Variants in DAAM2 observed in about 807,000 individuals in gnomAD.
DAAM2 encodes disheveled-associated activator of morphogenesis 2.
Under a neutral mutation model 120.7 loss-of-function variants are expected in DAAM2, and 39 were observed. The observed-to-expected ratio is 0.32, with a 90% CI of 0.25 to 0.42. The LOEUF is 0.42. Ranked by LOEUF, DAAM2 falls within the 10% of genes least tolerant of loss-of-function variation. The pLI is 1.00. For missense variants in DAAM2, 1,283 were observed against 1,401.7 expected, an observed-to-expected ratio of 0.92 and a Z score of 1.35; for synonymous variants, 488 against 524.9, an observed-to-expected ratio of 0.93 and a Z score of 0.96.
intron 1 of DAAM2, among the ~76,000 whole-genome samples, chr6:39,806,844 A>T (rs1240432638): frequency 8.6e-6 from 1 of 116,060 alleles, no homozygotes; most frequent in African/African-American, 2.9e-5. Context: ...GATTGGCAAA[A>T]AAAAAAAAAA....
intron 2 of DAAM2, among the ~76,000 whole-genome samples, chr6:39,858,460 A>G (rs2504102): frequency 0.6 from 91,579 of 151,882 alleles, 27,655 homozygotes; most frequent in Middle Eastern, 0.69. Context: ...AAGAGTGAGT[A>G]GGAATCAAAG....
At chr6:39,843,298 G>C (rs1037141371) in intron 1 of DAAM2, among the ~76,000 whole-genome samples, 2 of 152,170 alleles carry the variant, frequency 1.3e-5, no homozygotes, top group African/African-American at 2.4e-5. Context: ...AAAGCAGGGA[G>C]TGTGGAGTGG....
chr6:39,865,089 C>A lies in DAAM2; in HGVS notation c.428+15C>A. On this transcript the variant is annotated intron_variant, in intron 5 of 24. Coordinates refer to ENST00000274867, the MANE Select transcript of DAAM2 (RefSeq NM_001201427.2). ...CAGCCTATGAGGTAATTCAGTTTCC[C>A]CCTCTTGCTTCCTGCTGAGTCCCTT... 1 of 1,441,242 alleles carries A rather than the reference C, an allele frequency of 6.9e-7. No individual in the cohort carries two copies. The highest frequency in any genetic ancestry group is 2.4e-5 in the East Asian group (1 of 42,050). 89.3% of individuals were successfully genotyped at this position (1,441,242 alleles called of 1,614,324 possible).
chr6:39,822,410 A>G (rs1193360854), intron 1 of DAAM2: 10 of 152,084 alleles, frequency 6.6e-5, no homozygotes, highest in Non-Finnish European at 1.5e-5. Context: ...CTGTGTTCCT[A>G]CTTGTGCCAG....
At chr6:39,841,264 C>T (rs1222051369) in intron 1 of DAAM2, among the ~76,000 whole-genome samples, 1 of 91,728 alleles carries the variant, frequency 1.1e-5, no homozygotes, top group Non-Finnish European at 1.9e-5. Flanking sequence ...AAGAGGGGCT[C>T]CGGGGGGAGG....
At chr6:39,839,666 A>G (rs1763246502) in intron 1 of DAAM2, among the ~76,000 whole-genome samples, 1 of 152,216 alleles carries the variant, frequency 6.6e-6, no homozygotes, top group African/African-American at 2.4e-5. Context: ...AAATGATTCC[A>G]AGCTTAGAGC....
rs183574385 is a variant in DAAM2, at chr6:39,821,268, A to G, written c.-57+28803A>G. ...GGACACTCCTGGGCTGGATTTTAGT[A>G]CTGAAGCCTCCAGAGGAGGGGGCAC... is the stretch of plus-strand genomic sequence containing the variant. On this transcript the variant is annotated intron_variant, in intron 1 of 24. Transcript: ENST00000274867. 913 of 152,254 alleles carry G rather than the reference A, an allele frequency of 6.0e-3. 10 individuals are homozygous for G. Among genetic ancestry groups the G allele is most frequent in the Middle Eastern group, 0.038 (11 of 292 alleles). 9.4% of individuals were successfully genotyped at this position (152,254 alleles called of 1,614,324 possible). A position where few individuals can be genotyped will look rare whatever the true frequency, so the allele number is the denominator to read the frequency against.
chr6:39,858,720 G>T (rs1764100909), intron 2 of DAAM2, among the ~76,000 whole-genome samples: 1 of 152,154 alleles, frequency 6.6e-6, no homozygotes, highest in Non-Finnish European at 1.5e-5. Context: ...TAGTAGAGAC[G>T]TACTGGAGAC....
At chr6:39,871,332 A>AATT (rs1274224282) in intron 8 of DAAM2, among the ~76,000 whole-genome samples, 174 bp from the exon 9 acceptor site, 1 of 152,180 alleles carries the variant, frequency 6.6e-6, no homozygotes, top group Non-Finnish European at 1.5e-5. Flanking sequence ...GGATCTTATA[A>AATT]AGGGCAGACA....
At position 39,864,527 on chromosome 6, in the gene DAAM2, C is replaced by T. The variant is rs764300625; in HGVS notation, c.333+20C>T. ...GCTGCGGTGAGTGGCTGCCCCTCTC[C>T]TGCCCTGCCCCCACCTGGAAAGGCT... On this transcript the variant is annotated intron_variant, in intron 4 of 24. Coordinates refer to ENST00000274867, the MANE Select transcript of DAAM2 (RefSeq NM_001201427.2). 11 of 1,595,114 alleles carry T rather than the reference C, an allele frequency of 6.9e-6. No homozygotes were observed. The highest frequency in any genetic ancestry group is 9.4e-6 in the Non-Finnish European group (11 of 1,170,192).
At chr6:39,865,590 C>A (rs1764396855) in intron 5 of DAAM2, among the ~76,000 whole-genome samples, 1 of 152,264 alleles carries the variant, frequency 6.6e-6, no homozygotes, top group Non-Finnish European at 1.5e-5. Flanking sequence ...TAGGAGGACA[C>A]CTTTCCCTTC....
chr6:39,810,646 T>C (rs1458390857), intron 1 of DAAM2, among the ~76,000 whole-genome samples: 1 of 152,128 alleles, frequency 6.6e-6, no homozygotes, highest in East Asian at 1.9e-4. Context: ...AGCCCCATTT[T>C]TTTGCCCCTT....
At chr6:39,808,157 T>C (rs887022800) in intron 1 of DAAM2, among the ~76,000 whole-genome samples, 1 of 151,820 alleles carries the variant, frequency 6.6e-6, no homozygotes, top group African/African-American at 2.4e-5. Context: ...AGGGTCGTAG[T>C]AGTATAGGTT....
In DAAM2 at chr6:39,887,583, T is replaced by G. The variant is rs1410682732; in HGVS notation, c.2051T>G (p.Leu684Arg). The G allele has an allele frequency of 6.2e-7, 1 of 1,612,262 alleles. No homozygotes were observed. Among genetic ancestry groups the G allele is most frequent in the Non-Finnish European group, 8.5e-7 (1 of 1,178,550 alleles). Residue 684 changes from leucine (L) to arginine (R), a missense_variant, in exon 16 of 25, where the codon CTT becomes CGT. By Grantham distance (102) the Leu-to-Arg change is moderately radical (BLOSUM62 -2). Transcript: ENST00000274867. ...CGGAGGGCCCAAAACTGCATCATCC[T>G]TCTTTCCAAGTATGTGCAAAAGAAG... ...DGRRAQNCII[L>R]LSKLKLSNEE...
intron 3 of DAAM2, 71 bp from the exon 4 acceptor site, chr6:39,864,362 A>C: frequency 2.5e-6 from 3 of 1,205,422 alleles, no homozygotes; most frequent in Non-Finnish European, 3.6e-6. Context: ...CTGACACGGA[A>C]TGAAGCTCAG....
At position 39,873,385 on chromosome 6, in the gene DAAM2, G is replaced by T. The variant is rs201835501; in HGVS notation, c.1162+30G>T. ...GTACCCTGCACTTGCTGCTTCCCTC[G>T]ACTGGCCTGAACCTTGACTTGGGGC... is the stretch of plus-strand genomic sequence containing the variant. On this transcript the variant is annotated intron_variant, in intron 10 of 24. Coordinates refer to ENST00000274867, the MANE Select transcript of DAAM2 (RefSeq NM_001201427.2). 2.7e-6 allele frequency: 4 copies of T among 1,484,562 alleles called. No individual in the cohort carries two copies. In the East Asian group the frequency reaches 6.9e-5, roughly 26 times the overall value. The allele number at this position is 1,484,562 out of a possible 1,614,324, so 92.0% of individuals were successfully genotyped here.
chr6:39,866,798 T>A (rs1764451059), intron 5 of DAAM2, among the ~76,000 whole-genome samples: 1 of 152,378 alleles, frequency 6.6e-6, no homozygotes, highest in African/African-American at 2.4e-5. Context: ...TAATTTGGTA[T>A]GAAAATAGCT....
At chr6:39,881,475 T>C (rs1363761125) in intron 14 of DAAM2, among the ~76,000 whole-genome samples, 1 of 152,210 alleles carries the variant, frequency 6.6e-6, no homozygotes, top group African/African-American at 2.4e-5. Context: ...TCCCAGCACT[T>C]GGGGAGGCCA....
chr6:39,845,968 T>C (rs1763571909), intron 1 of DAAM2, among the ~76,000 whole-genome samples: 2 of 151,910 alleles, frequency 1.3e-5, no homozygotes, highest in Non-Finnish European at 2.9e-5. Context: ...GCAGGGTGGC[T>C]AGGAAAGGGG....
Sources: gnomAD v4.1 joint callset for allele counts (sites outside exome capture counted in the v4.1 genomes callset) on GRCh38, gnomAD v4.1.1 for gene constraint, MANE v1.5 for transcripts, NCBI Gene and HGNC (gene_info 2026-07-23, HGNC 2026-07-21) for gene names.